GALNT14: variants seen among roughly 807,000 people sequenced by gnomAD.
GALNT14 encodes polypeptide N-acetylgalactosaminyltransferase 14, also known as UDP-GalNAc:polypeptide N-acetylgalactosaminyltransferase 14.
In GALNT14, 60 loss-of-function variants were observed where a neutral mutation model predicts 77.5. That is an observed-to-expected ratio of 0.77 (90% CI 0.63 to 0.96). GALNT14 has a LOEUF of 0.96. Ranked by LOEUF, GALNT14 falls within the 40% of genes least tolerant of loss-of-function variation. GALNT14 has a pLI of 0.00. For missense variants in GALNT14, 710 were observed against 731.0 expected (o/e 0.97, Z 0.33); for synonymous variants, 280 against 281.7 (o/e 0.99, Z 0.06).
At position 30,976,606 on chromosome 2, in the gene GALNT14, C is replaced by CGT. The variant is rs550215452; in HGVS notation, c.300-10306_300-10305dup. The stretch of plus-strand genomic sequence containing the variant: ...CAGACGGCAGCTGTGTGTGCATGTG[C>CGT]GTGTGCGTGTGTGTATGTGTGTGTG... On this transcript the variant is annotated intron_variant, in intron 2 of 14. Coordinates refer to ENST00000349752, the MANE Select transcript of GALNT14 (RefSeq NM_024572.4). Among the ~76,000 whole-genome samples the CGT allele has an allele frequency of 2.6e-3, 369 of 144,246 alleles. 1 individual carries two copies. Among genetic ancestry groups the CGT allele is most frequent in the East Asian group, 5.5e-3 (26 of 4,730 alleles). 94.6% of individuals were successfully genotyped at this position (144,246 alleles called of 152,430 possible).
chr2:31,110,572 C>T (rs189254499), intron 1 of GALNT14, among the ~76,000 whole-genome samples: 93 of 152,214 alleles, frequency 6.1e-4, no homozygotes, highest in Non-Finnish European at 1.1e-3. Flanking sequence ...AGCAAATGGG[C>T]GAGATGTCAG....
intron 2 of GALNT14, among the ~76,000 whole-genome samples, 169 bp downstream of exon 2, chr2:30,992,669 A>G (rs1400959939): frequency 6.6e-6 from 1 of 152,186 alleles, no homozygotes; most frequent in African/African-American, 2.4e-5. Context: ...AGCAGTAGGC[A>G]ACACAGCCAG....
In GALNT14 at chr2:31,101,573, T is replaced by A. The variant is rs1677278197; in HGVS notation, c.129+36385A>T. Among the ~76,000 whole-genome samples, 4 of 152,106 alleles carry A rather than the reference T, an allele frequency of 2.6e-5. No homozygotes were observed. In the South Asian group the frequency reaches 8.3e-4, roughly 32 times the overall value. ...TATTTTCTTGAAAAAAATCCACTTT[T>A]CAAACCTATTTGCATAGAGCTGAAC... On this transcript the variant is annotated intron_variant, in intron 1 of 14. Transcript: ENST00000349752.
At chr2:30,931,485 C>A (rs1318173307) in intron 10 of GALNT14, among the ~76,000 whole-genome samples, 2 of 152,108 alleles carry the variant, frequency 1.3e-5, no homozygotes, top group African/African-American at 4.8e-5. Context: ...AAGTGGGCAC[C>A]CTTGGGTCTC....
At chr2:30,966,455 C>T (rs1474293835) in intron 2 of GALNT14, among the ~76,000 whole-genome samples, 153 bp from the exon 3 acceptor site, 2 of 152,176 alleles carry the variant, frequency 1.3e-5, no homozygotes, top group African/African-American at 2.4e-5. Flanking sequence ...TAAGACCCCA[C>T]GGCTTCACCT....
chr2:30,923,457 C>CA (rs960551471), intron 13 of GALNT14, among the ~76,000 whole-genome samples: 7 of 152,140 alleles, frequency 4.6e-5, no homozygotes, highest in African/African-American at 1.7e-4. Context: ...AAGACTGTCC[C>CA]AAAAAACATG....
intron 1 of GALNT14, chr2:31,078,999 G>C: frequency 7.8e-7 from 1 of 1,288,642 alleles, no homozygotes; most frequent in Non-Finnish European, 1.0e-6. Flanking sequence ...GAGCTACAGT[G>C]GGCTGCTGAA....
chr2:30,951,359 G>A (rs748778537), intron 6 of GALNT14, among the ~76,000 whole-genome samples: 12 of 152,188 alleles, frequency 7.9e-5, no homozygotes, highest in African/African-American at 1.2e-4. Flanking sequence ...GTGTGATTCC[G>A]TTTATATGAA....
intron 11 of GALNT14, among the ~76,000 whole-genome samples, chr2:30,926,645 G>C (rs1167994745): frequency 1.3e-5 from 2 of 151,928 alleles, no homozygotes; most frequent in Non-Finnish European, 2.9e-5. Flanking sequence ...GTAGGAAGAG[G>C]AAACAGCCTG....
At chr2:31,043,510 TC>T (rs1305698012) in intron 1 of GALNT14, among the ~76,000 whole-genome samples, 2 of 152,036 alleles carry the variant, frequency 1.3e-5, no homozygotes, top group African/African-American at 2.4e-5. Context: ...AATCCACAGC[TC>T]AAGGACTCCA....
Position 31,078,885 on chromosome 2 carries a change from G to A in GALNT14, c.129+59073C>T, listed in dbSNP as rs755028314. 4.7e-6 allele frequency: 6 copies of A among 1,286,986 alleles called. No individual in the cohort carries two copies. The South Asian group carries it at 4.9e-5, about 11-fold the overall frequency. The allele number at this position is 1,286,986 out of a possible 1,614,324, so 79.7% of individuals were successfully genotyped here. On this transcript the variant is annotated intron_variant, in intron 1 of 14. Coordinates refer to ENST00000349752, the MANE Select transcript of GALNT14 (RefSeq NM_024572.4). ...AGCAGGGGAAAGTAGGGCAAAGCAG[G>A]GTTTGGGGACCAGGAGAGCAAAGGA...
chr2:30,940,913 G>T (rs954026530), intron 9 of GALNT14, among the ~76,000 whole-genome samples: 3 of 152,202 alleles, frequency 2.0e-5, no homozygotes, highest in African/African-American at 7.2e-5. Flanking sequence ...ACCCTGTATG[G>T]CAGGAGACTG....
chr2:30,901,884 T>G, the GALNT14 span, among the ~76,000 whole-genome samples: 1 of 152,166 alleles, frequency 6.6e-6, no homozygotes, highest in Non-Finnish European at 1.5e-5. Context: ...AAGCATGGTT[T>G]GAGGTCTAAA....
intron 1 of GALNT14, among the ~76,000 whole-genome samples, chr2:31,118,723 G>A (rs1335561206): frequency 2.6e-5 from 4 of 152,056 alleles, no homozygotes; most frequent in Non-Finnish European, 4.4e-5. Context: ...CAATAAAATA[G>A]TCAAGATAAA....
chr2:31,065,710 G>C (rs1472561067), intron 1 of GALNT14, among the ~76,000 whole-genome samples: 1 of 152,142 alleles, frequency 6.6e-6, no homozygotes, highest in Non-Finnish European at 1.5e-5. Context: ...CACTATGGAA[G>C]GCATCACATT....
chr2:30,951,950 C>A (rs1257351762), intron 6 of GALNT14, among the ~76,000 whole-genome samples: 3 of 152,166 alleles, frequency 2.0e-5, no homozygotes, highest in Non-Finnish European at 4.4e-5. Flanking sequence ...GGGTGAACAG[C>A]CTGAGGAGGG....
intron 1 of GALNT14, among the ~76,000 whole-genome samples, chr2:31,126,307 G>A (rs962749273): frequency 2.0e-5 from 3 of 152,154 alleles, no homozygotes; most frequent in African/African-American, 4.8e-5. Context: ...CAGACTCAAC[G>A]TGGCTGTGAG....
intron 1 of GALNT14, among the ~76,000 whole-genome samples, chr2:31,123,097 G>A (rs1458740652): frequency 3.4e-5 from 5 of 146,116 alleles, no homozygotes; most frequent in Non-Finnish European, 1.5e-5. Flanking sequence ...TAGGAGGACG[G>A]CATGAACTCA....
chr2:30,924,449 G>A (rs947739774), intron 12 of GALNT14, among the ~76,000 whole-genome samples, 186 bp from the exon 13 acceptor site: 3 of 152,212 alleles, frequency 2.0e-5, no homozygotes, highest in African/African-American at 7.2e-5. Context: ...AGGAGCTACA[G>A]AGGGAGATGA....
Sources: allele counts gnomAD v4.1 joint callset (sites outside exome capture counted in the v4.1 genomes callset), GRCh38; gene constraint gnomAD v4.1.1; transcripts MANE v1.5; gene names NCBI Gene and HGNC (gene_info 2026-07-23, HGNC 2026-07-21).